Variants in SAMD14 observed in about 807,000 individuals in gnomAD.
The protein encoded by SAMD14 is sterile alpha motif domain-containing protein 14.
A neutral mutation model predicts 46.2 loss-of-function variants in SAMD14; 27 were observed. The ratio of observed to expected loss-of-function variants is 0.58; its 90% CI spans 0.43 to 0.81. SAMD14 has a LOEUF of 0.81. Ranked by LOEUF, SAMD14 falls within the 30% of genes least tolerant of loss-of-function variation. SAMD14 has a pLI of 0.00. For synonymous variants in SAMD14, 241 were observed against 254.3 expected (o/e 0.95, Z 0.50); for missense variants, 559 against 582.2 (o/e 0.96, Z 0.41).
In SAMD14 at chr17:50,112,792, C is replaced by T. The variant is rs1048622245; in HGVS notation, c.*101G>A. 2 of 1,391,314 alleles carry T rather than the reference C, an allele frequency of 1.4e-6. No individual in the cohort carries two copies. Among genetic ancestry groups the T allele is most frequent in the African/African-American group, 2.9e-5 (2 of 69,388 alleles). The allele number at this position is 1,391,314 out of a possible 1,614,324, so 86.2% of individuals were successfully genotyped here. On this transcript the variant is annotated 3_prime_UTR_variant, in exon 10 of 10. Transcript: ENST00000330175. Reference sequence around the variant, plus strand: ...TCCCCCCTGAGAGCGTGGGACCAGGCTAGCCCAAGTGCAGCGCCCAGGTCC... The same window carrying T: ...TCCCCCCTGAGAGCGTGGGACCAGGTTAGCCCAAGTGCAGCGCCCAGGTCC...
At chr17:50,125,049 T>C in intron 1 of SAMD14, 78 bp from the exon 2 acceptor site, 5 of 1,344,976 alleles carry the variant, frequency 3.7e-6, no homozygotes, top group Non-Finnish European at 5.3e-6. Context: ...AGAAGAGATG[T>C]GGAAGGCTAC....
At position 50,115,427 on chromosome 17, in the gene SAMD14, C is replaced by T. The variant is rs753529587; in HGVS notation, c.822+137G>A. 3.0e-5 allele frequency: 25 copies of T among 834,978 alleles called. No homozygotes were observed. Among genetic ancestry groups the T allele is most frequent in the Middle Eastern group, 3.6e-4 (1 of 2,750 alleles). The allele number at this position is 834,978 out of a possible 1,614,324, so 51.7% of individuals were successfully genotyped here. ...TGAATTCAGAGAATGCATGAAGTAA[C>T]GGATCACTGCATGGCTCCATGGATG... On this transcript the variant is annotated intron_variant, in intron 7 of 9. Transcript: ENST00000330175. This position sits in a 1 kb window ranked among gnomAD's most constrained non-coding sequence, Gnocchi z 5.3.
At chr17:50,116,610 T>C (rs1911222346) in intron 4 of SAMD14, among the ~76,000 whole-genome samples, 1 of 152,084 alleles carries the variant, frequency 6.6e-6, no homozygotes, top group Non-Finnish European at 1.5e-5. Flanking sequence ...TTTCATCATG[T>C]TGTCCAGGCT....
intron 2 of SAMD14, among the ~76,000 whole-genome samples, chr17:50,122,375 C>T (rs1286203753): frequency 6.6e-6 from 1 of 152,214 alleles, no homozygotes; most frequent in Non-Finnish European, 1.5e-5. Context: ...TGGACTAGTG[C>T]ATGCTTTGGC....
chr17:50,123,488 C>T (rs1410421161), intron 2 of SAMD14: 1 of 152,368 alleles, frequency 6.6e-6, no homozygotes, highest in Non-Finnish European at 1.5e-5. Context: ...GTCCCTTGCT[C>T]CTGACTCTGG....
chr17:50,113,438 A>T (rs1910982309), intron 9 of SAMD14: 1 of 247,922 alleles, frequency 4.0e-6, no homozygotes, highest in Admixed American at 5.1e-5. Flanking sequence ...TCTTTTCACC[A>T]TCCCTGCCCC....
At position 50,126,018 on chromosome 17, in the gene SAMD14, T is replaced by TAGGCTTTCAAGCAGATGTAGGG. The variant is rs1341987739; in HGVS notation, c.-12-1048_-12-1047insCCCTACATCTGCTTGAAAGCCT. ...ATAGGCTTTCAAGCAGATGTAGGAT[T>TAGGCTTTCAAGCAGATGTAGGG]CCAGTAGCCCTAGGGAGCCCACTGG... On this transcript the variant is annotated intron_variant, in intron 1 of 9. Coordinates refer to ENST00000330175, the MANE Select transcript of SAMD14 (RefSeq NM_001257359.2). Among the ~76,000 whole-genome samples, 8 of 152,212 alleles carry TAGGCTTTCAAGCAGATGTAGGG rather than the reference T, an allele frequency of 5.3e-5. No homozygotes were observed. The South Asian group carries it at 1.7e-3, about 32-fold the overall frequency.
chr17:50,116,727 C>T (rs531821109), intron 4 of SAMD14, among the ~76,000 whole-genome samples: 2 of 152,150 alleles, frequency 1.3e-5, no homozygotes, highest in Admixed American at 1.3e-4. Context: ...AACATCTAAC[C>T]AACCTTCCAA....
At chr17:50,118,027 C>T in intron 3 of SAMD14, 134 bp downstream of exon 3, 1 of 953,506 alleles carries the variant, frequency 1.0e-6, no homozygotes, top group Non-Finnish European at 1.5e-6. Context: ...CTGCAGCTAA[C>T]ACTTGGCAGC....
At chr17:50,120,216 T>C (rs1911437651) in intron 2 of SAMD14, among the ~76,000 whole-genome samples, 1 of 152,156 alleles carries the variant, frequency 6.6e-6, no homozygotes, top group Admixed American at 6.5e-5. Context: ...ATTTTGAATC[T>C]GTTTGAGATT....
At position 50,116,045 on chromosome 17, in the gene SAMD14, ATGG is replaced by A. The variant is rs775809951; in HGVS notation, c.542_544del (p.Thr181del). ...TCGGCGAGTCTTCTTATCGAGGCCG[ATGG>A]TGGGGCTGGCGGGCTCAGGAGGACT... On this transcript the variant is annotated inframe_deletion, in exon 5 of 10. Coordinates refer to ENST00000330175, the MANE Select transcript of SAMD14 (RefSeq NM_001257359.2). The A allele has an allele frequency of 4.3e-6, 7 of 1,613,990 alleles. No individual in the cohort carries two copies. Among genetic ancestry groups the A allele is most frequent in the South Asian group, 1.1e-5 (1 of 91,066 alleles).
Position 50,129,867 on chromosome 17 carries a change from G to A in SAMD14, c.-363C>T, listed in dbSNP as rs981613938. The stretch of plus-strand genomic sequence containing the variant: ...GACAGAGAGAGAGAGAGAGAGAAGA[G>A]CGAAGAGCGAGCGCCACCTCCCTCC... On this transcript the variant is annotated 5_prime_UTR_variant, in exon 1 of 10. Transcript: ENST00000330175. This position sits in a 1 kb window ranked among gnomAD's most constrained non-coding sequence, Gnocchi z 5.6. The A allele has an allele frequency of 6.7e-6, 1 of 148,658 alleles. No individual in the cohort carries two copies. Among genetic ancestry groups the A allele is most frequent in the African/African-American group, 2.5e-5 (1 of 39,650 alleles). The allele number at this position is 148,658 out of a possible 1,614,324, so 9.2% of individuals were successfully genotyped here. A position where few individuals can be genotyped will look rare whatever the true frequency, so the allele number is the denominator to read the frequency against.
chr17:50,124,771 G>GCGCGCACGCA lies in SAMD14; in HGVS notation c.43+145_43+146insTGCGTGCGCG. 3 of 567,466 alleles carry GCGCGCACGCA rather than the reference G, an allele frequency of 5.3e-6. No individual in the cohort carries two copies. In the East Asian group the frequency reaches 1.0e-4, roughly 20 times the overall value. 35.2% of individuals were successfully genotyped at this position (567,466 alleles called of 1,614,324 possible). ...TACCTGCACGCGTGCACGCGCGCGCGCACACACACACACACACACACACAC... is the reference window on the plus strand; with the variant it reads ...TACCTGCACGCGTGCACGCGCGCGCGCGCGCACGCACACACACACACACACACACACACAC... On this transcript the variant is annotated intron_variant, in intron 2 of 9. Coordinates refer to ENST00000330175, the MANE Select transcript of SAMD14 (RefSeq NM_001257359.2).
In SAMD14 at chr17:50,112,782, T is replaced by C; in HGVS notation, c.*111A>G. On this transcript the variant is annotated 3_prime_UTR_variant, in exon 10 of 10. Transcript: ENST00000330175. The stretch of plus-strand genomic sequence containing the variant: ...AGAGAGCATGTCCCCCCTGAGAGCG[T>C]GGGACCAGGCTAGCCCAAGTGCAGC... 1 of 1,279,908 alleles carries C rather than the reference T, an allele frequency of 7.8e-7. No homozygotes were observed. The highest frequency in any genetic ancestry group is 1.1e-6 in the Non-Finnish European group (1 of 935,208). 79.3% of individuals were successfully genotyped at this position (1,279,908 alleles called of 1,614,324 possible).
At chr17:50,118,391 C>A in intron 2 of SAMD14, 64 bp from the exon 3 acceptor site, 1 of 1,578,242 alleles carries the variant, frequency 6.3e-7, no homozygotes, top group South Asian at 1.1e-5. Context: ...CCCAGAGGCC[C>A]ACCTCAGGGG....
rs1911331646 is a variant in SAMD14, at chr17:50,118,142, T to G, written c.210+19A>C. 6.4e-7 allele frequency: 1 copy of G among 1,568,330 alleles called. No homozygotes were observed. The highest frequency in any genetic ancestry group is 1.4e-5 in the African/African-American group (1 of 73,966). On this transcript the variant is annotated intron_variant, in intron 3 of 9. Transcript: ENST00000330175. ...GAGGGGTGGGAGGGTGTATATGTGT[T>G]TTCCTAACTTGCCCCAACCTTGCCT...
chr17:50,114,468 C>T (rs755202217), intron 7 of SAMD14, 162 bp from the exon 8 acceptor site: 1 of 1,601,228 alleles, frequency 6.2e-7, no homozygotes, highest in South Asian at 1.1e-5. Flanking sequence ...TAACTCATGT[C>T]AGGCATCAGG....
At position 50,124,934 on chromosome 17, in the gene SAMD14, G is replaced by C. The variant is rs115616382; in HGVS notation, c.26C>G (p.Pro9Arg). The change falls in exon 2 of 10, where the codon CCC becomes CGC. Residue 9 changes from proline (P) to arginine (R), a missense_variant. Pro to Arg is a moderately radical substitution (Grantham distance 103). Transcript: ENST00000330175. ...GAACTTACCAAAAACTTCATCCACGGGTTCTCGGAGCTTTGAAGAAGCCAT... is the reference window on the plus strand; with the variant it reads ...GAACTTACCAAAAACTTCATCCACGCGTTCTCGGAGCTTTGAAGAAGCCAT... Reference protein sequence around the residue: MASSKLREPVDEVFDLDLA... With the variant: MASSKLRERVDEVFDLDLA... 139 of 1,614,042 alleles carry C rather than the reference G, an allele frequency of 8.6e-5. No homozygotes were observed. The highest frequency in any genetic ancestry group is 1.6e-4 in the Middle Eastern group (1 of 6,062).
intron 2 of SAMD14, chr17:50,124,216 C>T: frequency 4.4e-6 from 2 of 455,990 alleles, no homozygotes; most frequent in South Asian, 3.1e-5. Context: ...TTTCTTTCTC[C>T]AGTCCACACA....
Sources: allele counts gnomAD v4.1 joint callset (sites outside exome capture counted in the v4.1 genomes callset), GRCh38; gene constraint gnomAD v4.1.1; non-coding constraint Gnocchi (gnomAD v3.1); transcripts MANE v1.5; gene names NCBI Gene and HGNC (gene_info 2026-07-23, HGNC 2026-07-21).